CNTN4: variants seen among roughly 807,000 people sequenced by gnomAD.
CNTN4 encodes the protein contactin-4.
In CNTN4, 77 loss-of-function variants were observed where a neutral mutation model predicts 122.5. That is an observed-to-expected ratio of 0.63 (90% confidence interval 0.52 to 0.76). The LOEUF (loss-of-function observed/expected upper bound fraction) is 0.76. Ranked by LOEUF, CNTN4 falls within the 30% of genes least tolerant of loss-of-function variation. The pLI, the probability that CNTN4 is intolerant of heterozygous loss-of-function variation, is 0.00. For synonymous variants in CNTN4, 512 were observed against 447.0 expected, an observed-to-expected ratio of 1.15 and a Z score of -1.83; for missense variants, 1,256 against 1,259.1, an observed-to-expected ratio of 1.00 and a Z score of 0.04.
chr3:2,859,833 C>G (rs533277119), intron 7 of CNTN4, among the ~76,000 whole-genome samples: 1 of 152,236 alleles, frequency 6.6e-6, no homozygotes, highest in South Asian at 2.1e-4. Context: ...TCCGTAACTT[C>G]CACCCACAAT....
intron 7 of CNTN4, among the ~76,000 whole-genome samples, chr3:2,842,015 G>A (rs2093370530): frequency 2.0e-5 from 3 of 152,004 alleles, no homozygotes; most frequent in African/African-American, 7.2e-5. Flanking sequence ...TCAAGAACAT[G>A]TTATTGAAGA....
At chr3:2,817,272 C>T (rs2092758424) in intron 6 of CNTN4, among the ~76,000 whole-genome samples, 3 of 152,172 alleles carry the variant, frequency 2.0e-5, no homozygotes, top group Admixed American at 6.5e-5. Flanking sequence ...CATTCATTCT[C>T]GTTACATTTA....
At chr3:2,449,949 G>A (rs546224333) in intron 3 of CNTN4, among the ~76,000 whole-genome samples, 26 of 152,248 alleles carry the variant, frequency 1.7e-4, no homozygotes, top group Non-Finnish European at 3.2e-4. Context: ...GAGGGAGGAG[G>A]AAATGGGAAT....
intron 5 of CNTN4, among the ~76,000 whole-genome samples, chr3:2,740,448 G>A (rs1318616883): frequency 6.6e-6 from 1 of 152,070 alleles, no homozygotes; most frequent in Non-Finnish European, 1.5e-5. Flanking sequence ...TAACATACAT[G>A]ATAAAATTAT....
chr3:2,863,444 C>CTTTTTTTTTTT (rs5846228), intron 7 of CNTN4, among the ~76,000 whole-genome samples: 1 of 92,366 alleles, frequency 1.1e-5, no homozygotes, highest in African/African-American at 4.3e-5. Context: ...ATGGTTTCTT[C>CTTTTTTTTTTT]TTTTTTTTTT....
chr3:2,289,224 A>G (rs1400078927), intron 2 of CNTN4, among the ~76,000 whole-genome samples: 1 of 152,212 alleles, frequency 6.6e-6, no homozygotes, highest in Non-Finnish European at 1.5e-5. Context: ...TGAATGATGG[A>G]GTGATAGGTA....
At chr3:2,708,342 A>G (rs1173306828) in intron 4 of CNTN4, among the ~76,000 whole-genome samples, 1 of 152,220 alleles carries the variant, frequency 6.6e-6, no homozygotes, top group Non-Finnish European at 1.5e-5. Context: ...AATCATTTAC[A>G]TCCAAATACG....
intron 3 of CNTN4, among the ~76,000 whole-genome samples, chr3:2,558,890 T>C (rs1375805100): frequency 6.6e-6 from 1 of 152,110 alleles, no homozygotes; most frequent in African/African-American, 2.4e-5. Flanking sequence ...AGAACATAAA[T>C]AGAATGGTTA....
chr3:2,718,137 T>A (rs1477756629), intron 4 of CNTN4, among the ~76,000 whole-genome samples: 2 of 152,188 alleles, frequency 1.3e-5, no homozygotes, highest in African/African-American at 4.8e-5. Flanking sequence ...AATTTGGCTA[T>A]AATTATTATT....
At chr3:2,927,212 C>T (rs141650931) in intron 13 of CNTN4, 48 of 415,904 alleles carry the variant, frequency 1.2e-4, no homozygotes, top group African/African-American at 9.4e-4. Flanking sequence ...GTAGGTCAAT[C>T]AGGAGAAGCT....
intron 4 of CNTN4, among the ~76,000 whole-genome samples, chr3:2,690,665 C>T (rs1289214745): frequency 2.6e-5 from 4 of 152,064 alleles, no homozygotes; most frequent in Non-Finnish European, 5.9e-5. Context: ...CAGACTATAG[C>T]CTATGGGGGC....
chr3:2,716,102 C>T (rs977661161), intron 4 of CNTN4, among the ~76,000 whole-genome samples: 2 of 152,050 alleles, frequency 1.3e-5, no homozygotes, highest in Admixed American at 6.6e-5. Context: ...GTAGCTGAGA[C>T]CACAGGTGTG....
At chr3:2,966,272 C>G (rs908449114) in intron 13 of CNTN4, among the ~76,000 whole-genome samples, 1 of 151,932 alleles carries the variant, frequency 6.6e-6, no homozygotes, top group Non-Finnish European at 1.5e-5. Flanking sequence ...TAGTATAAAT[C>G]TCAGTTAGAC....
At chr3:2,646,162 C>T (rs1411004595) in intron 4 of CNTN4, among the ~76,000 whole-genome samples, 1 of 152,046 alleles carries the variant, frequency 6.6e-6, no homozygotes, top group East Asian at 1.9e-4. Flanking sequence ...TTTCACATGG[C>T]ATAACATATA....
At chr3:2,359,309 A>G (rs2045013902) in intron 3 of CNTN4, among the ~76,000 whole-genome samples, 1 of 151,868 alleles carries the variant, frequency 6.6e-6, no homozygotes, top group Non-Finnish European at 1.5e-5. Flanking sequence ...ATTACAACGT[A>G]TAATGTACAA....
intron 2 of CNTN4, among the ~76,000 whole-genome samples, chr3:2,126,786 G>C (rs2034195590): frequency 1.3e-5 from 2 of 152,112 alleles, no homozygotes; most frequent in South Asian, 4.1e-4. Context: ...GCAAGCAATA[G>C]AGACCTATTT....
chr3:2,458,185 A>G (rs1023151441), intron 3 of CNTN4, among the ~76,000 whole-genome samples: 1 of 152,158 alleles, frequency 6.6e-6, no homozygotes, highest in Non-Finnish European at 1.5e-5. Flanking sequence ...ATGTGCCTAC[A>G]TTAATAGTAT....
At chr3:2,282,023 A>G (rs1216862229) in intron 2 of CNTN4, among the ~76,000 whole-genome samples, 1 of 152,052 alleles carries the variant, frequency 6.6e-6, no homozygotes, top group African/African-American at 2.4e-5. Context: ...ATCCTGCTCC[A>G]TTTCTAAAAT....
chr3:2,889,268 A>G (rs2094011774), intron 10 of CNTN4, among the ~76,000 whole-genome samples: 1 of 152,214 alleles, frequency 6.6e-6, no homozygotes, highest in Non-Finnish European at 1.5e-5. Flanking sequence ...TGTAGAAAGT[A>G]TTAATACTTC....
Sources: gnomAD v4.1 joint callset for allele counts (sites outside exome capture counted in the v4.1 genomes callset) on GRCh38, gnomAD v4.1.1 for gene constraint, MANE v1.5 for transcripts, NCBI Gene and HGNC (gene_info 2026-07-23, HGNC 2026-07-21) for gene names.